The following METTL15 variants were observed in gnomAD, a reference collection of about 807,000 sequenced individuals.
METTL15 encodes 12S rRNA N(4)-cytidine methyltransferase METTL15.
Under a neutral mutation model 38.3 loss-of-function variants are expected in METTL15, and 34 were observed. The ratio of observed to expected loss-of-function variants is 0.89; its 90% CI spans 0.68 to 1.18. The LOEUF (loss-of-function observed/expected upper bound fraction) is 1.18. Among genes scored for constraint, METTL15 ranks in the 50% most tolerant of loss-of-function variants. The probability of loss-of-function intolerance (pLI) is 0.00; values close to 1 mark genes in which losing one functional copy is unlikely to be tolerated. For missense variants in METTL15, 438 were observed against 498.4 expected (o/e 0.88, Z 1.15); for synonymous variants, 162 against 170.9 (o/e 0.95, Z 0.41).
intron 5 of METTL15, among the ~76,000 whole-genome samples, chr11:28,291,249 T>G (rs1199308411): frequency 5.9e-5 from 9 of 152,066 alleles, no homozygotes; most frequent in Non-Finnish European, 1.0e-4. Context: ...GTTTCACATG[T>G]TGTCCAGGCT....
intron 3 of METTL15, among the ~76,000 whole-genome samples, chr11:28,187,512 T>C: frequency 6.9e-6 from 1 of 144,970 alleles, no homozygotes; most frequent in East Asian, 2.0e-4. Context: ...AAGAACACAA[T>C]AAATGTTTGT....
chr11:28,500,008 A>AT (rs11325215), intron 6 of METTL15, among the ~76,000 whole-genome samples: 6,250 of 145,078 alleles, frequency 0.043, 355 homozygotes, highest in African/African-American at 0.14. Flanking sequence ...TGGAATTGCT[A>AT]TTTTTTTTTT....
intron 3 of METTL15, among the ~76,000 whole-genome samples, chr11:28,139,354 C>A (rs114312366): frequency 0.013 from 1,905 of 152,210 alleles, 54 homozygotes; most frequent in African/African-American, 0.042. Flanking sequence ...AACAAGTCAT[C>A]CCTAGTTCCT....
chr11:28,188,858 A>G (rs1010227309), intron 3 of METTL15, among the ~76,000 whole-genome samples: 1 of 151,322 alleles, frequency 6.6e-6, no homozygotes, highest in Non-Finnish European at 1.5e-5. Flanking sequence ...TTTATGTGTA[A>G]CATAATAATG....
chr11:28,266,880 C>T (rs193109852), intron 4 of METTL15, among the ~76,000 whole-genome samples: 6 of 152,164 alleles, frequency 3.9e-5, no homozygotes, highest in Non-Finnish European at 7.3e-5. Context: ...GAAGAATTGG[C>T]TGGGCGTGGT....
In METTL15 at chr11:28,113,470, C is replaced by T. The variant is rs530544431; in HGVS notation, c.136C>T (p.Arg46Trp). ...TAEKYREYEA[R>W]EQTDQTQAQE... Reference sequence around the variant, plus strand: ...AGAAAAATATAGAGAATATGAAGCCCGGGAGCAAACAGATCAAACTCAAGC... The same window carrying T: ...AGAAAAATATAGAGAATATGAAGCCTGGGAGCAAACAGATCAAACTCAAGC... Residue 46 changes from arginine to tryptophan, a missense_variant, in exon 3 of 7, where the codon CGG becomes TGG. By Grantham distance (101) the Arg-to-Trp change is moderately radical. Transcript: ENST00000407364. 40 of 1,611,882 alleles carry T rather than the reference C, an allele frequency of 2.5e-5. No individual in the cohort carries two copies. The African/African-American group carries it at 3.1e-4, about 12-fold the overall frequency.
chr11:28,352,455 C>G (rs575609552), intron 4 of METTL15, among the ~76,000 whole-genome samples: 1 of 152,202 alleles, frequency 6.6e-6, no homozygotes, highest in African/African-American at 2.4e-5. Context: ...AGAGGGCACT[C>G]AAGGAACAGC....
chr11:28,238,292 A>C (rs995695683), intron 4 of METTL15, among the ~76,000 whole-genome samples: 2 of 152,068 alleles, frequency 1.3e-5, no homozygotes, highest in East Asian at 1.9e-4. Flanking sequence ...TTGTTTACCT[A>C]AGGGAGCCTG....
intron 6 of METTL15, among the ~76,000 whole-genome samples, chr11:28,297,875 CTCTT>C (rs1221135102): frequency 1.3e-5 from 2 of 151,882 alleles, no homozygotes; most frequent in Non-Finnish European, 2.9e-5. Context: ...TATTGGCTGT[CTCTT>C]TCTTAATATT....
chr11:28,427,255 C>T (rs1030099812), intron 6 of METTL15, among the ~76,000 whole-genome samples: 8 of 151,912 alleles, frequency 5.3e-5, no homozygotes, highest in Non-Finnish European at 4.4e-5. Flanking sequence ...GGTCTGTGGT[C>T]TTATTTCTGG....
intron 6 of METTL15, among the ~76,000 whole-genome samples, chr11:28,430,214 C>T (rs1228989823): frequency 9.9e-5 from 15 of 151,218 alleles, no homozygotes; most frequent in East Asian, 8.0e-4. Context: ...CCACCCCGTC[C>T]GGGAGGGAGG....
intron 3 of METTL15, among the ~76,000 whole-genome samples, chr11:28,175,797 C>G (rs1255893319): frequency 1.3e-5 from 2 of 152,260 alleles, no homozygotes; most frequent in Admixed American, 6.5e-5. Flanking sequence ...ATCTTGGCCA[C>G]TACTATCATT....
At chr11:28,432,054 C>T (rs1850936896) in intron 6 of METTL15, among the ~76,000 whole-genome samples, 1 of 152,156 alleles carries the variant, frequency 6.6e-6, no homozygotes, top group Admixed American at 6.5e-5. Context: ...AAGACTTCAA[C>T]TTTCCACTGC....
At chr11:28,296,662 G>A in intron 5 of METTL15, 91 bp from the exon 6 acceptor site, 1 of 1,327,562 alleles carries the variant, frequency 7.5e-7, no homozygotes. Flanking sequence ...GTATGTGTGT[G>A]TGTCTGACTT....
At chr11:28,285,610 C>G (rs1856227976) in intron 4 of METTL15, among the ~76,000 whole-genome samples, 1 of 152,078 alleles carries the variant, frequency 6.6e-6, no homozygotes, top group African/African-American at 2.4e-5. Flanking sequence ...TAACTTAAAA[C>G]TTCAGGAGTA....
chr11:28,530,349 C>T (rs1283089891), downstream of METTL15, among the ~76,000 whole-genome samples: 1 of 152,126 alleles, frequency 6.6e-6, no homozygotes, highest in Non-Finnish European at 1.5e-5. Context: ...CAGACTCTAT[C>T]TTCTCTGTTG....
intron 4 of METTL15, among the ~76,000 whole-genome samples, chr11:28,239,844 G>C (rs746812331): frequency 5.9e-5 from 9 of 151,870 alleles, no homozygotes; most frequent in Non-Finnish European, 1.2e-4. Context: ...CCTTACCCTT[G>C]CTTTATATTT....
chr11:28,185,125 T>C (rs1045261479), intron 3 of METTL15, among the ~76,000 whole-genome samples: 1 of 151,558 alleles, frequency 6.6e-6, no homozygotes, highest in African/African-American at 2.4e-5. Context: ...TCTACAGTGG[T>C]CCCTTAAATT....
intron 3 of METTL15, among the ~76,000 whole-genome samples, chr11:28,174,675 C>T (rs983621882): frequency 7.9e-5 from 12 of 151,700 alleles, no homozygotes; most frequent in African/African-American, 2.2e-4. Context: ...AATTGCTGGG[C>T]GTGGTGGCAG....
Sources: gnomAD v4.1 joint callset for allele counts (sites outside exome capture counted in the v4.1 genomes callset) on GRCh38, gnomAD v4.1.1 for gene constraint, MANE v1.5 for transcripts, NCBI Gene and HGNC (gene_info 2026-07-23, HGNC 2026-07-21) for gene names.